TSGA10: variants seen among roughly 807,000 people sequenced by gnomAD.
TSGA10 encodes the protein testis-specific gene 10 protein.
A neutral mutation model predicts 96.6 loss-of-function variants in TSGA10; 43 were observed. That is an observed-to-expected ratio of 0.44 (90% CI 0.35 to 0.57). The LOEUF (loss-of-function observed/expected upper bound fraction) is 0.57. Ranked by LOEUF, TSGA10 falls within the 20% of genes least tolerant of loss-of-function variation. The pLI, the probability that TSGA10 is intolerant of heterozygous loss-of-function variation, is 0.01. For missense variants in TSGA10, 703 were observed against 834.4 expected (o/e 0.84, Z 1.94); for synonymous variants, 229 against 269.9 (o/e 0.85, Z 1.48).
rs576302673 is a variant in TSGA10 at position 99,126,202 on chromosome 2, T to C, written c.-492+846A>G. ...GCAAGCGTGGAAAGTGTAGGCTCTTTACTTGGCCTGAGCTGGCAGGAATGG... is the reference window on the plus strand; with the variant it reads ...GCAAGCGTGGAAAGTGTAGGCTCTTCACTTGGCCTGAGCTGGCAGGAATGG... On this transcript the variant is annotated intron_variant, in intron 2 of 20. Transcript: ENST00000393483. 6 of 152,656 alleles carry C rather than the reference T, an allele frequency of 3.9e-5. No homozygotes were observed. The East Asian group carries it at 9.6e-4, about 25-fold the overall frequency. 9.5% of individuals were successfully genotyped at this position (152,656 alleles called of 1,614,324 possible).
At chr2:99,013,142 C>G (rs771922088) in intron 20 of TSGA10, among the ~76,000 whole-genome samples, 10 of 152,018 alleles carry the variant, frequency 6.6e-5, no homozygotes, top group Non-Finnish European at 1.5e-4. Flanking sequence ...CTCTTTCAAA[C>G]TTTCTGATGT....
chr2:99,108,725 G>C, intron 7 of TSGA10, 108 bp downstream of exon 7: 1 of 726,980 alleles, frequency 1.4e-6, no homozygotes, highest in Non-Finnish European at 2.1e-6. Context: ...CCAAATGTTA[G>C]ATTAACTTGA....
At chr2:99,074,000 CTTTTT>C (rs1167854716) in intron 12 of TSGA10, among the ~76,000 whole-genome samples, 6 of 52,634 alleles carry the variant, frequency 1.1e-4, no homozygotes, top group Admixed American at 2.6e-4. Context: ...TGTTTCTTTT[CTTTTT>C]TTTTTTTTTT....
intron 16 of TSGA10, among the ~76,000 whole-genome samples, chr2:99,038,817 C>T (rs1447780058): frequency 2.0e-5 from 3 of 152,052 alleles, no homozygotes; most frequent in Non-Finnish European, 4.4e-5. Flanking sequence ...AACATTCTAC[C>T]GAACAATTGC....
intron 16 of TSGA10, among the ~76,000 whole-genome samples, chr2:99,038,926 T>G (rs1036396721): frequency 2.4e-4 from 36 of 152,070 alleles, no homozygotes; most frequent in African/African-American, 8.5e-4. Flanking sequence ...AAAATCAAAT[T>G]TATATCAAGT....
intron 1 of TSGA10, among the ~76,000 whole-genome samples, chr2:99,146,211 A>C (rs187298441): frequency 6.6e-6 from 1 of 152,330 alleles, no homozygotes; most frequent in East Asian, 1.9e-4. Context: ...TGAACCCAGA[A>C]AGGCGGAGGT....
At chr2:99,014,609 T>C in intron 20 of TSGA10, among the ~76,000 whole-genome samples, 1 of 151,484 alleles carries the variant, frequency 6.6e-6, no homozygotes, top group Admixed American at 6.6e-5. Flanking sequence ...AAACCAAACC[T>C]AAACCCAGCA....
chr2:99,116,832 C>T (rs1047763792), intron 4 of TSGA10, among the ~76,000 whole-genome samples: 1 of 152,176 alleles, frequency 6.6e-6, no homozygotes, highest in South Asian at 2.1e-4. Context: ...CTGATCAAAT[C>T]AGGGTAATGG....
chr2:99,146,139 C>T (rs1397352900), intron 1 of TSGA10, among the ~76,000 whole-genome samples: 3 of 152,060 alleles, frequency 2.0e-5, no homozygotes, highest in African/African-American at 4.8e-5. Flanking sequence ...AAAAATTAGC[C>T]GGGCATGGTG....
intron 16 of TSGA10, among the ~76,000 whole-genome samples, chr2:99,036,876 G>C (rs193040307): frequency 6.6e-6 from 1 of 152,062 alleles, no homozygotes; most frequent in South Asian, 2.1e-4. Context: ...GTAATAAAGA[G>C]AGGGCATGAC....
At chr2:99,041,602 A>G (rs1407577829) in intron 16 of TSGA10, among the ~76,000 whole-genome samples, 6 of 152,188 alleles carry the variant, frequency 3.9e-5, no homozygotes, top group African/African-American at 1.4e-4. Flanking sequence ...ATTCAACAAA[A>G]TGGTGCTGAG....
intron 20 of TSGA10, among the ~76,000 whole-genome samples, chr2:99,012,256 C>G (rs75510144): frequency 0.012 from 1,875 of 152,184 alleles, 42 homozygotes; most frequent in African/African-American, 0.043. Context: ...AAAACAATAA[C>G]ACAATGGGGG....
rs2087046853 is a variant in TSGA10, at chr2:99,078,674, C to T, written c.867G>A (p.Glu289=). The T allele has an allele frequency of 6.2e-7, 1 of 1,613,042 alleles. No homozygotes were observed. The highest frequency in any genetic ancestry group is 8.5e-7 in the Non-Finnish European group (1 of 1,179,740). The change falls in exon 12 of 21, where the codon GAG becomes GAA. Residue 289 remains glutamate (E), a synonymous_variant. Transcript: ENST00000393483. ...KKSENIASLG[E]SLAMKEKTIS... ...CAGAACATACTTTCATTGCCAAACT[C>T]TCTCCAAGGGATGCAATATTCTCAG... is the stretch of plus-strand genomic sequence containing the variant.
Position 99,011,071 on chromosome 2 carries a change from A to G in TSGA10, c.2072+7129T>C, listed in dbSNP as rs2078955598. ...AGGTGGCCGTGGCAAGCCCTGCCCAAGTAGAGTCTGAGCCCAGACCCACCT... is the reference window on the plus strand; with the variant it reads ...AGGTGGCCGTGGCAAGCCCTGCCCAGGTAGAGTCTGAGCCCAGACCCACCT... On this transcript the variant is annotated intron_variant, in intron 20 of 20. Transcript: ENST00000393483. Among the ~76,000 whole-genome samples, 6 of 152,212 alleles carry G rather than the reference A, an allele frequency of 3.9e-5. No homozygotes were observed. In the South Asian group the frequency reaches 1.2e-3, roughly 32 times the overall value.
intron 10 of TSGA10, among the ~76,000 whole-genome samples, chr2:99,091,397 TA>T (rs1354142531): frequency 6.6e-6 from 1 of 152,008 alleles, no homozygotes; most frequent in African/African-American, 2.4e-5. Flanking sequence ...CATACATACA[TA>T]AATACCAAGG....
At chr2:99,030,698 T>G (rs2081056309) in intron 17 of TSGA10, among the ~76,000 whole-genome samples, 1 of 152,116 alleles carries the variant, frequency 6.6e-6, no homozygotes, top group Non-Finnish European at 1.5e-5. Flanking sequence ...TACTTCTACA[T>G]ACTAGCAAGG....
chr2:99,056,162 G>A (rs57210477), intron 16 of TSGA10, among the ~76,000 whole-genome samples: 53,154 of 150,950 alleles, frequency 0.35, 10,660 homozygotes, highest in African/African-American at 0.55. Context: ...CCGAGATCAC[G>A]CCACTGCACT....
rs1351312884 is a variant in TSGA10 at position 98,997,347 on chromosome 2, A to T, written c.*850T>A. On this transcript the variant is annotated 3_prime_UTR_variant, in exon 21 of 21. Transcript: ENST00000393483. The stretch of plus-strand genomic sequence containing the variant: ...AAAATACAGTAGCATTCAGGCTCTA[A>T]TATGAACATTACATCAAAGCCTATG... 2 of 152,088 alleles carry T rather than the reference A, an allele frequency of 1.3e-5. No individual in the cohort carries two copies. Among genetic ancestry groups the T allele is most frequent in the Non-Finnish European group, 2.9e-5 (2 of 67,942 alleles). The allele number at this position is 152,088 out of a possible 1,614,324, so 9.4% of individuals were successfully genotyped here.
intron 16 of TSGA10, among the ~76,000 whole-genome samples, chr2:99,043,652 T>G (rs2082433544): frequency 6.6e-6 from 1 of 152,172 alleles, no homozygotes; most frequent in African/African-American, 2.4e-5. Context: ...GCTTGTCAAT[T>G]GCACAGGAAC....
Sources: allele counts gnomAD v4.1 joint callset (sites outside exome capture counted in the v4.1 genomes callset), GRCh38; gene constraint gnomAD v4.1.1; transcripts MANE v1.5; gene names NCBI Gene and HGNC (gene_info 2026-07-23, HGNC 2026-07-21).